Variants in FREM1 observed in about 807,000 individuals in gnomAD.
The protein encoded by FREM1 is FRAS1-related extracellular matrix protein 1.
In FREM1, 220 loss-of-function variants were observed where a neutral mutation model predicts 210.1. The ratio of observed to expected loss-of-function variants is 1.05; its 90% CI spans 0.94 to 1.17. The LOEUF is 1.17. Ranked by LOEUF, FREM1 falls within the 50% of genes most tolerant of loss-of-function variation. The probability of loss-of-function intolerance (pLI) is 0.00; values close to 1 mark genes in which losing one functional copy is unlikely to be tolerated. For missense variants in FREM1, 3,454 were observed against 2,675.5 expected, an observed-to-expected ratio of 1.29 and a Z score of -6.42; for synonymous variants, 1,189 against 980.2, an observed-to-expected ratio of 1.21 and a Z score of -3.98.
intron 10 of FREM1, among the ~76,000 whole-genome samples, chr9:14,837,478 C>T (rs996211212): frequency 4.6e-5 from 7 of 151,792 alleles, no homozygotes; most frequent in African/African-American, 1.7e-4. Context: ...CACACACACA[C>T]ACACAAATGT....
chr9:14,846,992 A>G (rs1029802698), intron 7 of FREM1, among the ~76,000 whole-genome samples: 5 of 152,208 alleles, frequency 3.3e-5, no homozygotes, highest in African/African-American at 7.2e-5. Flanking sequence ...GTGGCTGATC[A>G]GGCCCTGCAC....
chr9:14,759,463 T>C (rs1374473857), intron 28 of FREM1, among the ~76,000 whole-genome samples: 12 of 144,526 alleles, frequency 8.3e-5, no homozygotes, highest in Middle Eastern at 7.4e-3. Flanking sequence ...TGAGCCGAGA[T>C]TGTGCCATTG....
At chr9:14,846,654 C>G (rs1269912971) in intron 7 of FREM1, among the ~76,000 whole-genome samples, 1 of 152,176 alleles carries the variant, frequency 6.6e-6, no homozygotes, top group African/African-American at 2.4e-5. Context: ...TTTCAAGAAA[C>G]TGGAATGTAG....
chr9:14,845,888 C>T (rs1043025299), intron 8 of FREM1, 72 bp downstream of exon 8: 3 of 1,464,358 alleles, frequency 2.0e-6, no homozygotes, highest in East Asian at 4.7e-5. Context: ...CTACATATAT[C>T]TGTTAAATAT....
intron 24 of FREM1, among the ~76,000 whole-genome samples, chr9:14,778,456 C>G (rs1442726673): frequency 6.8e-6 from 1 of 147,970 alleles, no homozygotes; most frequent in East Asian, 2.0e-4. Flanking sequence ...ACAAAAAATA[C>G]AAAATTTAGC....
chr9:14,783,680 T>C (rs1363585833), intron 24 of FREM1, among the ~76,000 whole-genome samples: 24 of 152,248 alleles, frequency 1.6e-4, no homozygotes, highest in Admixed American at 1.6e-3. Flanking sequence ...GAAACAAATT[T>C]CCATATTTTA....
chr9:14,773,767 G>T (rs893209413), intron 25 of FREM1, among the ~76,000 whole-genome samples: 1 of 152,122 alleles, frequency 6.6e-6, no homozygotes, highest in Admixed American at 6.5e-5. Context: ...TGTTGGGAAA[G>T]ACCTGATTCA....
intron 1 of FREM1, among the ~76,000 whole-genome samples, chr9:14,879,565 C>G (rs1834415110): frequency 6.6e-6 from 1 of 152,156 alleles, no homozygotes; most frequent in Non-Finnish European, 1.5e-5. Flanking sequence ...ATAGTGGAAA[C>G]TGCAAGCAAA....
intron 27 of FREM1, among the ~76,000 whole-genome samples, chr9:14,768,338 C>A (rs1185413122): frequency 3.7e-4 from 41 of 110,398 alleles, no homozygotes; most frequent in Admixed American, 9.1e-4. Context: ...TTTTTTTTTA[C>A]ATTTTCTTGA....
At chr9:14,851,151 C>T (rs1827665625) in intron 6 of FREM1, 133 bp downstream of exon 6, 2 of 684,370 alleles carry the variant, frequency 2.9e-6, no homozygotes, top group Non-Finnish European at 4.8e-6. Flanking sequence ...AGTGAGTGTG[C>T]ATCCTGATTT....
intron 3 of FREM1, among the ~76,000 whole-genome samples, chr9:14,861,046 C>CACATATATATAAACATATATACACAT (rs1238042815): frequency 2.7e-5 from 2 of 75,146 alleles, no homozygotes; most frequent in Non-Finnish European, 4.5e-5. Flanking sequence ...TACATATATA[C>CACATATATATAAACATATATACACAT]ATATATACAT....
rs1202608592 is a variant in FREM1 at position 14,806,805 on chromosome 9, T to A, written c.3130A>T (p.Thr1044Ser). Residue 1044 changes from threonine (T) to serine (S), a missense_variant, in exon 18 of 37, where the codon ACT becomes TCT. By Grantham distance (58) the Thr-to-Ser change is moderately conservative. Transcript: ENST00000380880. ...VVDEGCSTAL[T>S]VNHLSATDPD... ...TCAGTGGCGGACAAATGGTTAACAG[T>A]AAGGGCTGTTGAGCAGCCCTCATCT... 1 of 1,607,844 alleles carries A rather than the reference T, an allele frequency of 6.2e-7. No individual in the cohort carries two copies. Among genetic ancestry groups the A allele is most frequent in the Admixed American group, 1.7e-5 (1 of 59,260 alleles).
At chr9:14,788,391 C>T (rs1254515866) in intron 23 of FREM1, among the ~76,000 whole-genome samples, 3 of 152,178 alleles carry the variant, frequency 2.0e-5, no homozygotes, top group Non-Finnish European at 4.4e-5. Context: ...TAGTGTCTTT[C>T]CTTGTCCCTA....
intron 22 of FREM1, among the ~76,000 whole-genome samples, chr9:14,789,348 C>G (rs1254371067): frequency 6.6e-6 from 1 of 152,110 alleles, no homozygotes; most frequent in Non-Finnish European, 1.5e-5. Flanking sequence ...CAGACGAAGT[C>G]AAACAATTCA....
At chr9:14,814,661 C>T (rs1482288823) in intron 15 of FREM1, among the ~76,000 whole-genome samples, 1 of 152,184 alleles carries the variant, frequency 6.6e-6, no homozygotes, top group Non-Finnish European at 1.5e-5. Flanking sequence ...CAGTATTGTT[C>T]TTGACCCTGA....
At chr9:14,822,529 A>C (rs369144155) in intron 13 of FREM1, among the ~76,000 whole-genome samples, 1 of 152,182 alleles carries the variant, frequency 6.6e-6, no homozygotes, top group East Asian at 1.9e-4. Context: ...TAATAAGAAT[A>C]ATAATGACCA....
At chr9:14,797,964 T>A (rs1429711477) in intron 20 of FREM1, among the ~76,000 whole-genome samples, 2 of 152,148 alleles carry the variant, frequency 1.3e-5, no homozygotes, top group Non-Finnish European at 2.9e-5. Flanking sequence ...TGGGGAAAAT[T>A]ATAGAGTTAT....
chr9:14,870,581 A>C (rs929312129), intron 1 of FREM1, among the ~76,000 whole-genome samples: 9 of 152,160 alleles, frequency 5.9e-5, no homozygotes, highest in Admixed American at 5.9e-4. Context: ...TAATCAGTGT[A>C]TCCTTTTATC....
intron 1 of FREM1, among the ~76,000 whole-genome samples, chr9:14,895,768 G>A (rs1240143980): frequency 2.0e-5 from 3 of 151,894 alleles, no homozygotes; most frequent in East Asian, 1.9e-4. Context: ...ACATACTGAC[G>A]CTTTCTGACT....
Sources: allele counts gnomAD v4.1 joint callset (sites outside exome capture counted in the v4.1 genomes callset), GRCh38; gene constraint gnomAD v4.1.1; transcripts MANE v1.5; gene names NCBI Gene and HGNC (gene_info 2026-07-23, HGNC 2026-07-21).